C8orf34: variants seen among roughly 807,000 people sequenced by gnomAD.
C8orf34 encodes the protein uncharacterized protein C8orf34.
C8orf34 carries 65 observed loss-of-function variants against 68.3 expected under a neutral mutation model. The observed-to-expected ratio is 0.95, with a 90% CI of 0.78 to 1.17. The LOEUF (loss-of-function observed/expected upper bound fraction) is 1.17, where lower values mean the gene tolerates loss of function less well. Ranked by LOEUF, C8orf34 falls within the 50% of genes most tolerant of loss-of-function variation. The pLI is 0.00. For missense variants in C8orf34, 664 were observed against 655.4 expected, an observed-to-expected ratio of 1.01 and a Z score of -0.14; for synonymous variants, 244 against 241.2, an observed-to-expected ratio of 1.01 and a Z score of -0.11.
At chr8:68,626,867 G>A (rs1818551079) in intron 7 of C8orf34, among the ~76,000 whole-genome samples, 1 of 151,930 alleles carries the variant, frequency 6.6e-6, no homozygotes. Flanking sequence ...TACCTAAAAG[G>A]GCCAGCAAAA....
At chr8:68,507,697 T>C (rs1416310752) in intron 5 of C8orf34, among the ~76,000 whole-genome samples, 1 of 152,202 alleles carries the variant, frequency 6.6e-6, no homozygotes, top group Admixed American at 6.5e-5. Flanking sequence ...ACTTACTTAC[T>C]GTAGAAAACT....
At chr8:68,583,100 C>T (rs1817113927) in intron 7 of C8orf34, among the ~76,000 whole-genome samples, 1 of 152,048 alleles carries the variant, frequency 6.6e-6, no homozygotes, top group Admixed American at 6.6e-5. Flanking sequence ...TTTCCTGTGT[C>T]TGCTGTTTCT....
chr8:68,492,836 G>GT (rs1813372769), intron 5 of C8orf34, among the ~76,000 whole-genome samples: 1 of 151,448 alleles, frequency 6.6e-6, no homozygotes, highest in Non-Finnish European at 1.5e-5. Flanking sequence ...AAATGACAGA[G>GT]TTTTTGTTCA....
chr8:68,559,542 A>G (rs558462988), intron 7 of C8orf34, among the ~76,000 whole-genome samples: 2 of 152,304 alleles, frequency 1.3e-5, no homozygotes, highest in South Asian at 4.1e-4. Context: ...TGGAAACTTG[A>G]GAAATGGCAC....
intron 5 of C8orf34, among the ~76,000 whole-genome samples, chr8:68,501,000 A>G (rs1266988666): frequency 6.6e-6 from 1 of 152,158 alleles, no homozygotes; most frequent in East Asian, 1.9e-4. Context: ...AATGATCTTG[A>G]AGAACCTGTG....
chr8:68,382,456 G>C (rs2129620271), intron 1 of C8orf34, among the ~76,000 whole-genome samples: 1 of 152,296 alleles, frequency 6.6e-6, no homozygotes, highest in Non-Finnish European at 1.5e-5. Context: ...CAGATTTCAA[G>C]AGTTCAAAAG....
chr8:68,478,178 C>G (rs1812704194), intron 4 of C8orf34, among the ~76,000 whole-genome samples: 1 of 152,074 alleles, frequency 6.6e-6, no homozygotes, highest in Non-Finnish European at 1.5e-5. Context: ...TTTTTATGCT[C>G]TGCTTCCCTT....
intron 9 of C8orf34, among the ~76,000 whole-genome samples, chr8:68,715,512 A>G (rs1221699709): frequency 1.3e-5 from 2 of 152,192 alleles, no homozygotes; most frequent in South Asian, 4.1e-4. Context: ...GCCAAAAAGC[A>G]TATGGAAAAA....
intron 7 of C8orf34, among the ~76,000 whole-genome samples, chr8:68,536,932 A>G (rs1379362946): frequency 3.3e-5 from 5 of 152,174 alleles, no homozygotes; most frequent in Admixed American, 1.3e-4. Flanking sequence ...TTTGCTGAAT[A>G]TAGTCATTGA....
At chr8:68,666,064 G>A (rs533396621) in intron 8 of C8orf34, among the ~76,000 whole-genome samples, 2 of 152,214 alleles carry the variant, frequency 1.3e-5, no homozygotes, top group African/African-American at 4.8e-5. Flanking sequence ...TCCCATGGCC[G>A]GTATTTTTGT....
At chr8:68,657,487 A>G (rs1460125674) in intron 8 of C8orf34, among the ~76,000 whole-genome samples, 3 of 152,140 alleles carry the variant, frequency 2.0e-5, no homozygotes, top group African/African-American at 7.2e-5. Context: ...CTTGATTTAG[A>G]CTTCCCAGTC....
chr8:68,608,851 A>G (rs1817931947), intron 7 of C8orf34, among the ~76,000 whole-genome samples: 1 of 152,102 alleles, frequency 6.6e-6, no homozygotes, highest in Non-Finnish European at 1.5e-5. Context: ...AATAGTACGG[A>G]TGAAGTGAAA....
At chr8:68,474,485 T>G (rs1159006320) in intron 4 of C8orf34, among the ~76,000 whole-genome samples, 1 of 152,186 alleles carries the variant, frequency 6.6e-6, no homozygotes, top group Non-Finnish European at 1.5e-5. Context: ...ACCAGATTAT[T>G]GGTTTATCCA....
intron 7 of C8orf34, among the ~76,000 whole-genome samples, chr8:68,609,437 G>T (rs200856781): frequency 2.0e-5 from 3 of 152,084 alleles, no homozygotes; most frequent in African/African-American, 7.2e-5. Flanking sequence ...GAAGAATCTC[G>T]AAATGAACTT....
In C8orf34 at chr8:68,441,128, A is replaced by G. The variant is rs142427445; in HGVS notation, c.475+1482A>G. ...CAACTCTTCATTTTAAATCGCACACATTAAGTACCTCAGTGTTTATGTGTC... is the reference window on the plus strand; with the variant it reads ...CAACTCTTCATTTTAAATCGCACACGTTAAGTACCTCAGTGTTTATGTGTC... On this transcript the variant is annotated intron_variant, in intron 2 of 13. Transcript: ENST00000518698. 7.7e-3 allele frequency among the ~76,000 whole-genome samples: 1,160 copies of G among 151,212 alleles called. 14 individuals are homozygous for G. The highest frequency in any genetic ancestry group is 0.025 in the African/African-American group (1,055 of 41,434).
At chr8:68,519,583 A>G (rs1253252121) in intron 5 of C8orf34, among the ~76,000 whole-genome samples, 2 of 148,320 alleles carry the variant, frequency 1.3e-5, no homozygotes, top group Admixed American at 6.6e-5. Context: ...ATTCAATATA[A>G]CCCTTGGCTT....
At chr8:68,492,955 A>T (rs1367349426) in intron 5 of C8orf34, among the ~76,000 whole-genome samples, 1 of 152,272 alleles carries the variant, frequency 6.6e-6, no homozygotes, top group Non-Finnish European at 1.5e-5. Context: ...GGTTACTTCC[A>T]GATGCTGAAA....
intron 1 of C8orf34, among the ~76,000 whole-genome samples, chr8:68,379,418 A>G (rs1033494545): frequency 6.6e-6 from 1 of 152,238 alleles, no homozygotes. Flanking sequence ...TCACATTCCT[A>G]CAGGTACATT....
Position 68,401,861 on chromosome 8 carries a change from T to TTGTGTGTG in C8orf34, c.328-37618_328-37611dup, listed in dbSNP as rs34713905. Among the ~76,000 whole-genome samples, 207 of 149,064 alleles carry TTGTGTGTG rather than the reference T, an allele frequency of 1.4e-3. 1 individual carries two copies. The highest frequency in any genetic ancestry group is 2.0e-3 in the Non-Finnish European group (136 of 67,148). On this transcript the variant is annotated intron_variant, in intron 1 of 13. Transcript: ENST00000518698. ...AGGGATATTGGTCTACAGTTCTCTTTTGTGTGTGTGTGTGTGTGTGTGTGT... is the reference window on the plus strand; with the variant it reads ...AGGGATATTGGTCTACAGTTCTCTTTTGTGTGTGTGTGTGTGTGTGTGTGTGTGTGTGT...
Sources: allele counts gnomAD v4.1 joint callset (sites outside exome capture counted in the v4.1 genomes callset), GRCh38; gene constraint gnomAD v4.1.1; transcripts MANE v1.5; gene names NCBI Gene and HGNC (gene_info 2026-07-23, HGNC 2026-07-21).